ASPSCR1: variants seen among roughly 807,000 people sequenced by gnomAD.
The protein encoded by ASPSCR1 is tether containing UBX domain for GLUT4.
ASPSCR1 carries 55 observed loss-of-function variants against 68.9 expected under a neutral mutation model. The observed-to-expected ratio is 0.80, with a 90% CI of 0.64 to 1.00. The LOEUF (loss-of-function observed/expected upper bound fraction) is 1.00. Ranked by LOEUF, ASPSCR1 falls within the 50% of genes least tolerant of loss-of-function variation. ASPSCR1 has a pLI of 0.00. For missense variants in ASPSCR1, 765 were observed against 762.2 expected (o/e 1.00, Z -0.04); for synonymous variants, 352 against 332.6 (o/e 1.06, Z -0.63).
chr17:81,990,900 C>G lies in ASPSCR1; in HGVS notation c.375-3921C>G, dbSNP rs1224501977. Among the ~76,000 whole-genome samples, 2 of 152,138 alleles carry G rather than the reference C, an allele frequency of 1.3e-5. No individual in the cohort carries two copies. The highest frequency in any genetic ancestry group is 2.9e-5 in the Non-Finnish European group (2 of 68,022). Reference sequence around the variant, plus strand: ...TGACTCGGGGGATACTGTAGCACGTCTGGGCAGTCCACGAGGGCAGGCGGG... The same window carrying G: ...TGACTCGGGGGATACTGTAGCACGTGTGGGCAGTCCACGAGGGCAGGCGGG... On this transcript the variant is annotated intron_variant, in intron 4 of 15. Coordinates refer to ENST00000306739, the MANE Select transcript of ASPSCR1 (RefSeq NM_024083.4). This position sits in a 1 kb window ranked among gnomAD's most constrained non-coding sequence, Gnocchi z 4.1.
intron 12 of ASPSCR1, chr17:82,014,456 C>T (rs1260493510): frequency 2.6e-5 from 4 of 155,360 alleles, no homozygotes; most frequent in South Asian, 2.0e-4. Flanking sequence ...GGTGCCTTCT[C>T]TCTCCCGGGC....
chr17:81,979,017 G>T (rs970071246), intron 1 of ASPSCR1, among the ~76,000 whole-genome samples, 167 bp from the exon 2 acceptor site: 2 of 152,174 alleles, frequency 1.3e-5, no homozygotes, highest in African/African-American at 4.8e-5. Flanking sequence ...GCAGGTGAGA[G>T]CCTGCATTTG....
intron 7 of ASPSCR1, among the ~76,000 whole-genome samples, chr17:82,000,691 C>G (rs60293637): frequency 6.6e-6 from 1 of 152,206 alleles, no homozygotes; most frequent in Non-Finnish European, 1.5e-5. Context: ...GGTCCTCGGC[C>G]GAGACCCGGG....
Position 81,983,177 on chromosome 17 carries a change from C to T in ASPSCR1, c.159-377C>T, listed in dbSNP as rs530420525. ...TTTTCTGTGGTGGCTCCAGCCGTGACGGCCGGGGTCTGTGACACTCCAGCT... is the reference window on the plus strand; with the variant it reads ...TTTTCTGTGGTGGCTCCAGCCGTGATGGCCGGGGTCTGTGACACTCCAGCT... On this transcript the variant is annotated intron_variant, in intron 2 of 15. Coordinates refer to ENST00000306739, the MANE Select transcript of ASPSCR1 (RefSeq NM_024083.4). This position sits in a 1 kb window ranked among gnomAD's most constrained non-coding sequence, Gnocchi z 4.4. 2.4e-4 allele frequency among the ~76,000 whole-genome samples: 36 copies of T among 152,338 alleles called. No homozygotes were observed. The highest frequency in any genetic ancestry group is 1.2e-3 in the Admixed American group (18 of 15,308).
Position 82,011,469 on chromosome 17 carries a change from T to C in ASPSCR1, c.1238-74T>C, listed in dbSNP as rs150019630. ...GAAAGGCCCAGGAGGGTGGGAGCAG[T>C]GGCCCAGGTGCTGGGGCAGCCCGGG... On this transcript the variant is annotated intron_variant, in intron 10 of 15. Transcript: ENST00000306739. 9,547 of 1,385,606 alleles carry C rather than the reference T, an allele frequency of 6.9e-3. 44 individuals are homozygous for C. Among genetic ancestry groups the C allele is most frequent in the Non-Finnish European group, 8.4e-3 (8,491 of 1,014,854 alleles). The allele number at this position is 1,385,606 out of a possible 1,614,324, so 85.8% of individuals were successfully genotyped here.
chr17:82,006,321 G>A (rs1277454748), intron 7 of ASPSCR1: 1 of 152,338 alleles, frequency 6.6e-6, no homozygotes, highest in African/African-American at 2.4e-5. Context: ...GTCCTTGCGG[G>A]TGCACGTGTG....
At chr17:82,016,168 G>A (rs895205345) in intron 12 of ASPSCR1, 14 of 391,114 alleles carry the variant, frequency 3.6e-5, no homozygotes, top group East Asian at 1.2e-4. Context: ...CACCTTCCTC[G>A]GGTGCAGAGG....
At chr17:82,016,400 T>TG (rs1418587814) in intron 12 of ASPSCR1, 76 bp from the exon 13 acceptor site, 1 of 1,361,576 alleles carries the variant, frequency 7.3e-7, no homozygotes, top group African/African-American at 1.4e-5. Flanking sequence ...GGCCTGGCCC[T>TG]GGGGGTGTAG....
chr17:82,010,400 A>G lies in ASPSCR1; in HGVS notation c.1171-402A>G, dbSNP rs547437814. On this transcript the variant is annotated intron_variant, in intron 9 of 15. Coordinates refer to ENST00000306739, the MANE Select transcript of ASPSCR1 (RefSeq NM_024083.4). ...AAAAATTAGTCAGGAGAGGTGGCGC[A>G]CGCCTGTAGTCCCAGCTGCTCGGGA... Among the ~76,000 whole-genome samples, 82 of 151,780 alleles carry G rather than the reference A, an allele frequency of 5.4e-4. No individual in the cohort carries two copies. The East Asian group carries it at 0.01, about 19-fold the overall frequency.
intron 12 of ASPSCR1, chr17:82,015,109 T>C: frequency 1.9e-6 from 3 of 1,598,204 alleles, no homozygotes; most frequent in East Asian, 2.2e-5. Context: ...CCATTCACCC[T>C]GGGTCCCTCG....
At chr17:81,984,328 A>G (rs916560193) in intron 3 of ASPSCR1, among the ~76,000 whole-genome samples, 3 of 152,140 alleles carry the variant, frequency 2.0e-5, no homozygotes, top group African/African-American at 7.2e-5. Context: ...CTGTAATCCC[A>G]GCACTTTAGG....
intron 3 of ASPSCR1, among the ~76,000 whole-genome samples, chr17:81,985,017 C>T (rs1209147668): frequency 7.4e-6 from 1 of 134,912 alleles, no homozygotes; most frequent in African/African-American, 2.8e-5. Flanking sequence ...CCTGCACACA[C>T]CGCCCACACC....
intron 7 of ASPSCR1, among the ~76,000 whole-genome samples, chr17:82,000,622 G>A (rs1021542204): frequency 6.6e-6 from 1 of 152,252 alleles, no homozygotes; most frequent in Non-Finnish European, 1.5e-5. Flanking sequence ...TTTTGCCTGT[G>A]TGTGGTTTTT....
chr17:82,012,269 C>T lies in ASPSCR1; in HGVS notation c.1339C>T (p.Gln447Ter). Residue 447 changes from glutamine to a stop codon, truncating the protein, a stop_gained, in exon 12 of 16, where the codon CAG becomes TAG. Coordinates refer to ENST00000306739, the MANE Select transcript of ASPSCR1 (RefSeq NM_024083.4). LOFTEE classifies it high-confidence loss of function. ...AAAAACAGTCCTGGACGACCACACG[C>T]AGACCCTCTTTCAGGTACCTGAGGG... is the stretch of plus-strand genomic sequence containing the variant. ...PPKTVLDDHTQTLFQANLFPA... is the reference protein window; with the variant it reads ...PPKTVLDDHT The T allele has an allele frequency of 6.2e-7, 1 of 1,613,552 alleles. No individual in the cohort carries two copies. Among genetic ancestry groups the T allele is most frequent in the East Asian group, 2.2e-5 (1 of 44,876 alleles).
Position 81,993,665 on chromosome 17 carries a change from G to A in ASPSCR1, c.375-1156G>A, listed in dbSNP as rs901318392. Among the ~76,000 whole-genome samples, 5 of 152,244 alleles carry A rather than the reference G, an allele frequency of 3.3e-5. 1 individual carries two copies. In the South Asian group the frequency reaches 8.3e-4, roughly 25 times the overall value. On this transcript the variant is annotated intron_variant, in intron 4 of 15. Transcript: ENST00000306739. ...TCCCGCTCTGTGCATGGATGTGCAC[G>A]TATGTCTCGACCTGGACACTGCAGC...
Position 82,009,475 on chromosome 17 carries a change from C to G in ASPSCR1, c.1089-11C>G. ...GACCAGAAGCCCTGTTCCTTCCCCT[C>G]CTCACCACAGGAAGCGCCTGGAAGA... is the stretch of plus-strand genomic sequence containing the variant. On this transcript the variant is annotated splice_polypyrimidine_tract_variant and intron_variant, in intron 8 of 15. Transcript: ENST00000306739. 2 of 1,569,500 alleles carry G rather than the reference C, an allele frequency of 1.3e-6. No homozygotes were observed. Among genetic ancestry groups the G allele is most frequent in the Non-Finnish European group, 1.7e-6 (2 of 1,157,258 alleles).
rs776213573 is a variant in ASPSCR1, at chr17:81,977,697, G to C, written c.51G>C (p.Pro17=). The C allele has an allele frequency of 8.8e-6, 12 of 1,368,360 alleles. No individual in the cohort carries two copies. The East Asian group carries it at 3.1e-4, about 36-fold the overall frequency. 84.8% of individuals were successfully genotyped at this position (1,368,360 alleles called of 1,614,324 possible). A position where few individuals can be genotyped will look rare whatever the true frequency, so the allele number is the denominator to read the frequency against. The change falls in exon 1 of 16, where the codon CCG becomes CCC. Residue 17 remains proline (P), a synonymous_variant. Transcript: ENST00000306739. The surrounding 1 kb of genome is among the most constrained non-coding windows in gnomAD (Gnocchi z 5.0). ...GGGSAVSVLA[P]NGRRHTVKVT... The stretch of plus-strand genomic sequence containing the variant: ...GCTCCGCGGTGTCGGTGCTGGCCCC[G>C]AACGGCCGGCGCCACACGGTGAAGG...
intron 12 of ASPSCR1, chr17:82,014,863 G>T: frequency 1.6e-6 from 1 of 637,212 alleles, no homozygotes; most frequent in East Asian, 2.8e-5. Context: ...GCGGCAGCTA[G>T]GGAGGGGCCG....
intron 12 of ASPSCR1, chr17:82,015,754 T>C: frequency 8.2e-6 from 2 of 243,786 alleles, no homozygotes; most frequent in South Asian, 6.4e-5. Context: ...CCATGGCAGC[T>C]CCTGGCGCTG....
Sources: allele counts gnomAD v4.1 joint callset (sites outside exome capture counted in the v4.1 genomes callset), GRCh38; gene constraint gnomAD v4.1.1; non-coding constraint Gnocchi (gnomAD v3.1); transcripts MANE v1.5; gene names NCBI Gene and HGNC (gene_info 2026-07-23, HGNC 2026-07-21).